Variants in ENDOU observed in about 807,000 individuals in gnomAD.
ENDOU encodes endonuclease, poly(U) specific.
In ENDOU, 49 loss-of-function variants were observed where a neutral mutation model predicts 54.2. That is an observed-to-expected ratio of 0.90 (90% CI 0.72 to 1.15). ENDOU has a LOEUF of 1.15. Ranked by LOEUF, ENDOU falls within the 50% of genes most tolerant of loss-of-function variation. The pLI is 0.00. For missense variants in ENDOU, 458 were observed against 511.4 expected (o/e 0.90, Z 1.01); for synonymous variants, 172 against 190.5 (o/e 0.90, Z 0.80).
Position 47,717,674 on chromosome 12 carries a change from T to A in ENDOU, c.245-19A>T. On this transcript the variant is annotated intron_variant, in intron 3 of 9. Coordinates refer to ENST00000422538, the MANE Select transcript of ENDOU (RefSeq NM_001172439.2). ...TACAAGTCTGAGAAGAGAGGGGTGG[T>A]GTGTCCCGGGCTGACCTCTAGAGGT... 6.2e-7 allele frequency: 1 copy of A among 1,613,114 alleles called. No homozygotes were observed. Among genetic ancestry groups the A allele is most frequent in the Non-Finnish European group, 8.5e-7 (1 of 1,179,722 alleles).
chr12:47,718,100 AG>A (rs1335483459), intron 3 of ENDOU, 28 bp downstream of exon 3: 1 of 1,544,698 alleles, frequency 6.5e-7, no homozygotes, highest in South Asian at 1.2e-5. Context: ...CTTTATCTTG[AG>A]GGCCCCCCTT....
At chr12:47,724,666 A>G (rs1940531487) in intron 1 of ENDOU, among the ~76,000 whole-genome samples, 1 of 151,950 alleles carries the variant, frequency 6.6e-6, no homozygotes, top group African/African-American at 2.4e-5. Flanking sequence ...CTAGCTACCA[A>G]TTAACCCATC....
rs764556492 is a variant in ENDOU at position 47,716,370 on chromosome 12, C to T, written c.681G>A (p.Gln227=). The change falls in exon 6 of 10, where the codon CAG becomes CAA. Residue 227 remains glutamine, a synonymous_variant. Transcript: ENST00000422538. ...EHFSAQELAE[Q]DAFLREIMKT... is the part of the protein sequence containing the mutation. ...TCATGATCTCTCTGAGGAAGGCGTC[C>T]TGCTCGGCCAGCTCCTGGGCACTGA... 6.2e-7 allele frequency: 1 copy of T among 1,614,082 alleles called. No individual in the cohort carries two copies. The highest frequency in any genetic ancestry group is 2.2e-5 in the East Asian group (1 of 44,872).
Position 47,716,743 on chromosome 12 carries a change from C to T in ENDOU, c.551+147G>A, listed in dbSNP as rs993080644. 4 of 816,046 alleles carry T rather than the reference C, an allele frequency of 4.9e-6. No individual in the cohort carries two copies. The Admixed American group carries it at 1.1e-4, about 22-fold the overall frequency. The allele number at this position is 816,046 out of a possible 1,614,324, so 50.6% of individuals were successfully genotyped here. A position where few individuals can be genotyped will look rare whatever the true frequency, so the allele number is the denominator to read the frequency against. ...CCTCCCAACTGGATATCCACAGTCCCTCAAGATGGCTTTGTCTCTGGAGAA... is the reference window on the plus strand; with the variant it reads ...CCTCCCAACTGGATATCCACAGTCCTTCAAGATGGCTTTGTCTCTGGAGAA... On this transcript the variant is annotated intron_variant, in intron 5 of 9. Transcript: ENST00000422538.
Position 47,710,544 on chromosome 12 carries a change from A to G in ENDOU, c.*258T>C, listed in dbSNP as rs1939948662. 2.6e-6 allele frequency: 1 copy of G among 389,194 alleles called. No individual in the cohort carries two copies. 24.1% of individuals were successfully genotyped at this position (389,194 alleles called of 1,614,324 possible). On this transcript the variant is annotated 3_prime_UTR_variant, in exon 10 of 10. Coordinates refer to ENST00000422538, the MANE Select transcript of ENDOU (RefSeq NM_001172439.2). ...GGGCAGAGAGCTATGGAGGGTTCCTACCTTCTCTGCTTGGACTCTGTTTCT... is the reference window on the plus strand; with the variant it reads ...GGGCAGAGAGCTATGGAGGGTTCCTGCCTTCTCTGCTTGGACTCTGTTTCT...
rs929380874 is a variant in ENDOU at position 47,720,895 on chromosome 12, C to A, written c.56-20G>T. 2 of 1,535,730 alleles carry A rather than the reference C, an allele frequency of 1.3e-6. No homozygotes were observed. Among genetic ancestry groups the A allele is most frequent in the African/African-American group, 2.7e-5 (2 of 73,024 alleles). Reference sequence around the variant, plus strand: ...TTTTTCCTATGGGCAGTAAAGGTCACCAACTCAGCTCTATGGAGACCCTGT... The same window carrying A: ...TTTTTCCTATGGGCAGTAAAGGTCAACAACTCAGCTCTATGGAGACCCTGT... On this transcript the variant is annotated intron_variant, in intron 1 of 9. Coordinates refer to ENST00000422538, the MANE Select transcript of ENDOU (RefSeq NM_001172439.2).
rs769896093 is a variant in ENDOU, at chr12:47,713,305, C to T, written c.835G>A (p.Asp279Asn). 102 of 1,613,434 alleles carry T rather than the reference C, an allele frequency of 6.3e-5. No homozygotes were observed. The highest frequency in any genetic ancestry group is 8.3e-5 in the Non-Finnish European group (98 of 1,179,472). The change falls in exon 7 of 10, where the codon GAC becomes AAC. Residue 279 changes from aspartate to asparagine, a missense_variant. Transcript: ENST00000422538. ...AAGACATGTTCAAAGCCACTCGAGT[C>T]CCCCTCTTCATTGCCTCTTGAATAG... is the stretch of plus-strand genomic sequence containing the variant. ...GLYSRGNEEG[D>N]SSGFEHVFSG... is the part of the protein sequence containing the mutation.
chr12:47,724,820 C>T (rs1940535359), intron 1 of ENDOU, among the ~76,000 whole-genome samples: 3 of 152,218 alleles, frequency 2.0e-5, no homozygotes, highest in Admixed American at 6.5e-5. Flanking sequence ...ATCCATTCCT[C>T]TGACCCCTGT....
intron 3 of ENDOU, 131 bp from the exon 4 acceptor site, chr12:47,717,786 A>C (rs917458119): frequency 2.1e-6 from 2 of 958,924 alleles, no homozygotes; most frequent in African/African-American, 1.6e-5. Flanking sequence ...GAAAACAAAC[A>C]AACCTAATTC....
intron 2 of ENDOU, chr12:47,720,010 T>A (rs1940381455): frequency 6.6e-6 from 1 of 152,250 alleles, no homozygotes; most frequent in East Asian, 1.9e-4. Context: ...ACCTGTGCAA[T>A]GATTATGCAG....
chr12:47,712,414 GC>G lies in ENDOU; in HGVS notation c.972+101del. On this transcript the variant is annotated intron_variant, in intron 8 of 9. Transcript: ENST00000422538. Reference sequence around the variant, plus strand: ...GTGATAGTCACAATCACCTGGGGCTGCCCCCTGAGAGTCAGGCTGAGAGGCA... The same window carrying G: ...GTGATAGTCACAATCACCTGGGGCTGCCCCTGAGAGTCAGGCTGAGAGGCA... 5 of 844,026 alleles carry G rather than the reference GC, an allele frequency of 5.9e-6. No individual in the cohort carries two copies. The South Asian group carries it at 6.4e-5, about 11-fold the overall frequency. 52.3% of individuals were successfully genotyped at this position (844,026 alleles called of 1,614,324 possible).
chr12:47,712,577 C>A lies in ENDOU; in HGVS notation c.911G>T (p.Arg304Leu). 6 of 1,614,168 alleles carry A rather than the reference C, an allele frequency of 3.7e-6. No individual in the cohort carries two copies. Among genetic ancestry groups the A allele is most frequent in the Non-Finnish European group, 5.1e-6 (6 of 1,180,018 alleles). ...ACCCTCCTTCTCCTCCAGGTAGAAG[C>A]GGATCCAGTTATGGAAGCCAGTAAC... is the stretch of plus-strand genomic sequence containing the variant. ...GKVTGFHNWIRFYLEEKEGLV... is the reference protein window; with the variant it reads ...GKVTGFHNWILFYLEEKEGLV... The change falls in exon 8 of 10, where the codon CGC (arginine) becomes CTC (leucine). Residue 304 changes from arginine (R) to leucine (L), a missense_variant. Coordinates refer to ENST00000422538, the MANE Select transcript of ENDOU (RefSeq NM_001172439.2).
chr12:47,716,797 G>T, intron 5 of ENDOU, 93 bp downstream of exon 5: 2 of 1,308,224 alleles, frequency 1.5e-6, no homozygotes, highest in Non-Finnish European at 2.2e-6. Context: ...CCCTTTGATC[G>T]TGCCTGACTT....
intron 1 of ENDOU, 68 bp from the exon 2 acceptor site, chr12:47,720,943 G>A: frequency 1.0e-5 from 15 of 1,496,244 alleles, no homozygotes; most frequent in Non-Finnish European, 1.3e-5. Flanking sequence ...GCCTCCTGCA[G>A]GAGGGTTCAC....
rs1330604578 is a variant in ENDOU at position 47,716,287 on chromosome 12, G to T, written c.751+13C>A. ...AGACTCATGCGCTCTGGGGCCTGGG[G>T]GTGCTCACTCACTCTGGTGATGGAG... On this transcript the variant is annotated intron_variant, in intron 6 of 9. Coordinates refer to ENST00000422538, the MANE Select transcript of ENDOU (RefSeq NM_001172439.2). 1 of 1,613,234 alleles carries T rather than the reference G, an allele frequency of 6.2e-7. No individual in the cohort carries two copies. The highest frequency in any genetic ancestry group is 8.5e-7 in the Non-Finnish European group (1 of 1,179,532).
At chr12:47,717,159 C>T (rs1940276842) in intron 4 of ENDOU, 101 bp from the exon 5 acceptor site, 10 of 956,576 alleles carry the variant, frequency 1.0e-5, no homozygotes, top group East Asian at 4.8e-5. Flanking sequence ...TTCAAGAAGC[C>T]AGCAAGGAGG....
chr12:47,716,550 G>T (rs368838015), intron 5 of ENDOU, 51 bp from the exon 6 acceptor site: 3 of 1,553,772 alleles, frequency 1.9e-6, no homozygotes, highest in South Asian at 1.1e-5. Context: ...ACAGGGCAGC[G>T]ACCCCTCCAG....
At chr12:47,713,465 G>T in intron 6 of ENDOU, 77 bp from the exon 7 acceptor site, 1 of 915,600 alleles carries the variant, frequency 1.1e-6, no homozygotes, top group Non-Finnish European at 1.8e-6. Flanking sequence ...GACCTGAAGA[G>T]CTACTTGCTC....
rs757350235 is a variant in ENDOU, at chr12:47,717,520, TG to T, written c.379del (p.His127ThrfsTer10). The T allele has an allele frequency of 8.7e-6, 14 of 1,613,924 alleles. No homozygotes were observed. The South Asian group carries it at 1.5e-4, about 18-fold the overall frequency. Reference sequence around the variant, plus strand: ...AGCTAAGGGAGCAGAAGACTAACCGTGGTCACTACACAGGCTCTCAAAATCC... The same window carrying T: ...AGCTAAGGGAGCAGAAGACTAACCGTGTCACTACACAGGCTCTCAAAATCC... Reference protein sequence around the residue: ...CKDFESLCSDHEVSHSSDAIT... With the variant: ...CKDFESLCSDXEVSHSSDAIT... On this transcript the variant is annotated frameshift_variant, in exon 4 of 10. Coordinates refer to ENST00000422538, the MANE Select transcript of ENDOU (RefSeq NM_001172439.2). LOFTEE classifies it high-confidence loss of function.
Sources: allele counts gnomAD v4.1 joint callset (sites outside exome capture counted in the v4.1 genomes callset), GRCh38; gene constraint gnomAD v4.1.1; transcripts MANE v1.5; gene names NCBI Gene and HGNC (gene_info 2026-07-23, HGNC 2026-07-21).